GATA6: variants seen among roughly 807,000 people sequenced by gnomAD.
GATA6 encodes transcription factor GATA-6.
Under a neutral mutation model 48.1 loss-of-function variants are expected in GATA6, and 11 were observed. That is an observed-to-expected ratio of 0.23 (90% confidence interval 0.14 to 0.38). The LOEUF is 0.38. Among genes scored for constraint, GATA6 ranks in the 10% least tolerant of loss-of-function variants. GATA6 has a pLI of 1.00. For synonymous variants in GATA6, 419 were observed against 396.1 expected (o/e 1.06, Z -0.69); for missense variants, 795 against 850.3 (o/e 0.93, Z 0.81).
chr18:22,192,934 T>C (rs1162186879), intron 6 of GATA6, among the ~76,000 whole-genome samples: 1 of 152,206 alleles, frequency 6.6e-6, no homozygotes, highest in Non-Finnish European at 1.5e-5. Context: ...CAATTTGCTC[T>C]TTTGTCCAGA....
At position 22,171,728 on chromosome 18, in the gene GATA6, G is replaced by C. The variant is rs1323294439; in HGVS notation, c.584G>C (p.Gly195Ala). The C allele has an allele frequency of 8.8e-6, 13 of 1,480,630 alleles. No individual in the cohort carries two copies. In the East Asian group the frequency reaches 3.6e-4, roughly 41 times the overall value. 91.7% of individuals were successfully genotyped at this position (1,480,630 alleles called of 1,614,324 possible). A position where few individuals can be genotyped will look rare whatever the true frequency, so the allele number is the denominator to read the frequency against. ...GTCTACGTGCCCACCACCCGCGTGG[G>C]TTCCATGCTGCCCGGCCTACCGTAC... The part of the protein sequence containing the change: ...SPVYVPTTRV[G>A]SMLPGLPYHL... Residue 195 changes from glycine to alanine, a missense_variant, in exon 2 of 7, where the codon GGT (glycine) becomes GCT (alanine). Transcript: ENST00000269216. The surrounding 1 kb of genome is among the most constrained non-coding windows in gnomAD (Gnocchi z 7.1).
intron 6 of GATA6, among the ~76,000 whole-genome samples, chr18:22,195,039 G>T (rs897765439): frequency 6.6e-6 from 1 of 152,060 alleles, no homozygotes; most frequent in African/African-American, 2.4e-5. Flanking sequence ...AGTGGTGGGC[G>T]CCTGTAATCC....
At chr18:22,178,411 A>G (rs2033153587) in intron 3 of GATA6, among the ~76,000 whole-genome samples, 1 of 152,208 alleles carries the variant, frequency 6.6e-6, no homozygotes, top group Non-Finnish European at 1.5e-5. Context: ...TAAGGTTAAC[A>G]TTTGTTTAGC....
chr18:22,196,150 TAC>T (rs2033386370), intron 6 of GATA6, among the ~76,000 whole-genome samples: 1 of 152,218 alleles, frequency 6.6e-6, no homozygotes, highest in Non-Finnish European at 1.5e-5. Context: ...TTATTATATG[TAC>T]ACATAAAATA....
At chr18:22,193,773 T>C (rs998911220) in intron 6 of GATA6, among the ~76,000 whole-genome samples, 2 of 152,176 alleles carry the variant, frequency 1.3e-5, no homozygotes, top group Non-Finnish European at 2.9e-5. Context: ...GCAAGGAAGA[T>C]AGAGCATGCC....
intron 2 of GATA6, among the ~76,000 whole-genome samples, chr18:22,174,242 C>T (rs1359009633): frequency 3.9e-5 from 6 of 152,176 alleles, no homozygotes; most frequent in Non-Finnish European, 7.3e-5. Context: ...CAGATTGAGC[C>T]AGCGCCTGCA....
intron 3 of GATA6, among the ~76,000 whole-genome samples, chr18:22,179,568 T>C (rs1468819897): frequency 1.3e-5 from 2 of 152,226 alleles, no homozygotes; most frequent in Non-Finnish European, 2.9e-5. Flanking sequence ...CACTGGAAAC[T>C]GTCATAAATG....
chr18:22,194,399 T>C (rs1398044244), intron 6 of GATA6, among the ~76,000 whole-genome samples: 1 of 152,184 alleles, frequency 6.6e-6, no homozygotes, highest in African/African-American at 2.4e-5. Context: ...CTCCTTGCAC[T>C]TTGATCAGGG....
At chr18:22,192,843 A>G (rs930568591) in intron 6 of GATA6, among the ~76,000 whole-genome samples, 7 of 152,216 alleles carry the variant, frequency 4.6e-5, no homozygotes, top group Non-Finnish European at 1.0e-4. Context: ...TATTTTGGTG[A>G]TAATCCCAGA....
At chr18:22,191,166 A>G (rs577348470) in intron 6 of GATA6, among the ~76,000 whole-genome samples, 1 of 152,130 alleles carries the variant, frequency 6.6e-6, no homozygotes, top group South Asian at 2.1e-4. Flanking sequence ...AAAGCTTTAA[A>G]TAGTTTGTAA....
chr18:22,190,346 G>C (rs1006469452), intron 6 of GATA6, among the ~76,000 whole-genome samples: 2 of 152,138 alleles, frequency 1.3e-5, no homozygotes, highest in African/African-American at 4.8e-5. Context: ...TCTTTTAAGA[G>C]AAACACAAGA....
In GATA6 at chr18:22,201,231, T is replaced by G. The variant is rs919111119; in HGVS notation, c.*408T>G. ...ATACCTTTTCCACATCCAGATTTCA[T>G]GTGCGTTCATGGAGAAGATCACTTG... is the stretch of plus-strand genomic sequence containing the variant. On this transcript the variant is annotated 3_prime_UTR_variant, in exon 7 of 7. Coordinates refer to ENST00000269216, the MANE Select transcript of GATA6 (RefSeq NM_005257.6). The G allele has an allele frequency of 4.3e-6, 1 of 232,430 alleles. No homozygotes were observed. The highest frequency in any genetic ancestry group is 8.6e-6 in the Non-Finnish European group (1 of 115,866). 14.4% of individuals were successfully genotyped at this position (232,430 alleles called of 1,614,324 possible). A position where few individuals can be genotyped will look rare whatever the true frequency, so the allele number is the denominator to read the frequency against.
chr18:22,179,451 G>A (rs2033167112), intron 3 of GATA6, among the ~76,000 whole-genome samples: 1 of 152,206 alleles, frequency 6.6e-6, no homozygotes, highest in Non-Finnish European at 1.5e-5. Context: ...CATTTCACAT[G>A]TTTATGAGGA....
Position 22,171,370 on chromosome 18 carries a change from C to A in GATA6, c.226C>A (p.Arg76Ser). The A allele has an allele frequency of 2.5e-6, 4 of 1,583,792 alleles. No homozygotes were observed. Among genetic ancestry groups the A allele is most frequent in the Non-Finnish European group, 2.6e-6 (3 of 1,172,658 alleles). ...GGAGGCGGCGGCCGGACCCCCGGCC[C>A]GCTCGCTGCTGCTCAGTTCCTACGC... ...DTEAAAGPPA[R>S]SLLLSSYASH... The change falls in exon 2 of 7, where the codon CGC (arginine) becomes AGC (serine). Residue 76 changes from arginine (R) to serine (S), a missense_variant. Coordinates refer to ENST00000269216, the MANE Select transcript of GATA6 (RefSeq NM_005257.6). This position sits in a 1 kb window ranked among gnomAD's most constrained non-coding sequence, Gnocchi z 7.1.
At chr18:22,173,121 G>A (rs1335326416) in intron 2 of GATA6, among the ~76,000 whole-genome samples, 1 of 152,086 alleles carries the variant, frequency 6.6e-6, no homozygotes, top group African/African-American at 2.4e-5. Flanking sequence ...GCCATTAGGG[G>A]GTAAACCGTG....
At position 22,179,070 on chromosome 18, in the gene GATA6, A is replaced by G. The variant is rs536575778; in HGVS notation, c.1302+1949A>G. ...CCAGTAAAAATAACTTAGAAGGAAA[A>G]AAAAGAACAGTTTTTAGCATTTCTG... On this transcript the variant is annotated intron_variant, in intron 3 of 6. Transcript: ENST00000269216. 3.3e-5 allele frequency among the ~76,000 whole-genome samples: 5 copies of G among 152,322 alleles called. No homozygotes were observed. The East Asian group carries it at 9.6e-4, about 29-fold the overall frequency.
intron 6 of GATA6, among the ~76,000 whole-genome samples, chr18:22,192,334 T>C (rs942130594): frequency 2.6e-5 from 4 of 152,208 alleles, no homozygotes; most frequent in African/African-American, 7.2e-5. Flanking sequence ...ACTACTTAAA[T>C]ACGGGTCTTG....
chr18:22,172,431 T>C lies in GATA6; in HGVS notation c.1135+152T>C. 5 of 1,375,938 alleles carry C rather than the reference T, an allele frequency of 3.6e-6. No individual in the cohort carries two copies. The highest frequency in any genetic ancestry group is 4.8e-6 in the Non-Finnish European group (5 of 1,041,762). 85.2% of individuals were successfully genotyped at this position (1,375,938 alleles called of 1,614,324 possible). A position where few individuals can be genotyped will look rare whatever the true frequency, so the allele number is the denominator to read the frequency against. ...TGGTCCCAGGAAGGATTTGCAGGCC[T>C]GTGGCTGGGTAACCCAGAGTCCGGT... On this transcript the variant is annotated intron_variant, in intron 2 of 6. Coordinates refer to ENST00000269216, the MANE Select transcript of GATA6 (RefSeq NM_005257.6). This position sits in a 1 kb window ranked among gnomAD's most constrained non-coding sequence, Gnocchi z 5.2.
chr18:22,170,997 G>A lies in GATA6; in HGVS notation c.-37-111G>A. Reference sequence around the variant, plus strand: ...AAGTCTCAAATGGGATCTTTGAGAAGTCAGATCCCATTTGAACTAGAAAAA... The same window carrying A: ...AAGTCTCAAATGGGATCTTTGAGAAATCAGATCCCATTTGAACTAGAAAAA... On this transcript the variant is annotated intron_variant, in intron 1 of 6. Transcript: ENST00000269216. The surrounding 1 kb of genome is among the most constrained non-coding windows in gnomAD (Gnocchi z 6.7). 2 of 695,800 alleles carry A rather than the reference G, an allele frequency of 2.9e-6. No homozygotes were observed. The highest frequency in any genetic ancestry group is 5.1e-6 in the Non-Finnish European group (2 of 393,034). The allele number at this position is 695,800 out of a possible 1,614,324, so 43.1% of individuals were successfully genotyped here. A position where few individuals can be genotyped will look rare whatever the true frequency, so the allele number is the denominator to read the frequency against.
Sources: gnomAD v4.1 joint callset for allele counts (sites outside exome capture counted in the v4.1 genomes callset) on GRCh38, gnomAD v4.1.1 for gene constraint, Gnocchi (gnomAD v3.1) non-coding constraint, MANE v1.5 for transcripts, NCBI Gene and HGNC (gene_info 2026-07-23, HGNC 2026-07-21) for gene names.